Variants in ERC2 observed in about 807,000 individuals in gnomAD.
The protein encoded by ERC2 is ERC protein 2.
A neutral mutation model predicts 114.8 loss-of-function variants in ERC2; 42 were observed. The observed-to-expected ratio is 0.37, with a 90% confidence interval of 0.29 to 0.47. The LOEUF (loss-of-function observed/expected upper bound fraction) is 0.47. Ranked by LOEUF, ERC2 falls within the 20% of genes least tolerant of loss-of-function variation. ERC2 has a pLI of 0.99. For missense variants in ERC2, 939 were observed against 1,150.7 expected, an observed-to-expected ratio of 0.82 and a Z score of 2.66; for synonymous variants, 454 against 425.5, an observed-to-expected ratio of 1.07 and a Z score of -0.82.
intron 17 of ERC2, among the ~76,000 whole-genome samples, chr3:55,524,186 G>A (rs1322751295): frequency 1.3e-5 from 2 of 152,092 alleles, no homozygotes; most frequent in East Asian, 1.9e-4. Flanking sequence ...CTCTATACTC[G>A]CCCATACAGC....
intron 4 of ERC2, among the ~76,000 whole-genome samples, chr3:56,151,215 C>T (rs894165074): frequency 8.5e-5 from 13 of 152,050 alleles, no homozygotes; most frequent in Admixed American, 4.6e-4. Context: ...TACCAGCCTG[C>T]GCCACCAAGT....
At chr3:55,655,428 G>C (rs2060815608) in intron 17 of ERC2, among the ~76,000 whole-genome samples, 1 of 152,194 alleles carries the variant, frequency 6.6e-6, no homozygotes, top group Non-Finnish European at 1.5e-5. Context: ...ACTTGGGCTG[G>C]TTGTTGGGCC....
chr3:56,435,700 T>C (rs765976790), intron 1 of ERC2, among the ~76,000 whole-genome samples: 1 of 152,206 alleles, frequency 6.6e-6, no homozygotes, highest in Non-Finnish European at 1.5e-5. Context: ...AGAATTCTTC[T>C]CAACACAACA....
At chr3:55,803,621 C>T (rs1167960481) in intron 14 of ERC2, among the ~76,000 whole-genome samples, 3 of 149,966 alleles carry the variant, frequency 2.0e-5, no homozygotes, top group African/African-American at 4.9e-5. Flanking sequence ...ATCAGTTTAA[C>T]TGCCAATATT....
At chr3:56,444,907 A>G (rs2062491868) in intron 1 of ERC2, among the ~76,000 whole-genome samples, 1 of 152,196 alleles carries the variant, frequency 6.6e-6, no homozygotes, top group South Asian at 2.1e-4. Flanking sequence ...ACTAATTCTA[A>G]AAACCTTTCT....
intron 14 of ERC2, among the ~76,000 whole-genome samples, chr3:55,735,209 T>C (rs1456981195): frequency 2.0e-5 from 3 of 152,162 alleles, no homozygotes; most frequent in African/African-American, 7.2e-5. Context: ...TATCCACCCA[T>C]CCAACCAAAC....
intron 2 of ERC2, among the ~76,000 whole-genome samples, chr3:56,341,702 A>G (rs1425239611): frequency 6.6e-6 from 1 of 152,160 alleles, no homozygotes; most frequent in African/African-American, 2.4e-5. Flanking sequence ...TAATCCTGTT[A>G]GCAATTCCTG....
At chr3:55,751,195 A>G (rs992322298) in intron 14 of ERC2, among the ~76,000 whole-genome samples, 1 of 152,198 alleles carries the variant, frequency 6.6e-6, no homozygotes, top group Non-Finnish European at 1.5e-5. Flanking sequence ...TGGCTGCCTT[A>G]TAAATGCCAT....
At chr3:55,650,699 G>T (rs1056415960) in intron 17 of ERC2, among the ~76,000 whole-genome samples, 1 of 152,138 alleles carries the variant, frequency 6.6e-6, no homozygotes, top group Non-Finnish European at 1.5e-5. Flanking sequence ...TTAAATGAAT[G>T]AAGAAATTCT....
At chr3:55,811,808 C>G (rs185698076) in intron 14 of ERC2, among the ~76,000 whole-genome samples, 20 of 152,302 alleles carry the variant, frequency 1.3e-4, no homozygotes, top group Admixed American at 7.8e-4. Context: ...AGGCATAATA[C>G]ATTTCTTCCT....
intron 3 of ERC2, among the ~76,000 whole-genome samples, chr3:56,228,075 T>C (rs2050369480): frequency 1.3e-5 from 2 of 152,082 alleles, no homozygotes; most frequent in Non-Finnish European, 2.9e-5. Context: ...AGAAGAGTGA[T>C]TACCTCGAGG....
chr3:56,392,203 A>C (rs1259519744), intron 2 of ERC2, among the ~76,000 whole-genome samples: 1 of 152,214 alleles, frequency 6.6e-6, no homozygotes, highest in African/African-American at 2.4e-5. Flanking sequence ...AAACATTTCT[A>C]TGTGTTTGTA....
At chr3:56,341,260 T>C (rs11708654) in intron 2 of ERC2, among the ~76,000 whole-genome samples, 47,417 of 152,006 alleles carry the variant, frequency 0.31, 7,544 homozygotes, top group Admixed American at 0.34. Flanking sequence ...GTGAACTGGT[T>C]GGGGCTGGAG....
intron 14 of ERC2, among the ~76,000 whole-genome samples, chr3:55,828,961 G>A (rs56050871): frequency 0.16 from 24,552 of 151,920 alleles, 2,745 homozygotes; most frequent in South Asian, 0.32. Flanking sequence ...AACATAGTGA[G>A]ATCCTGTCTC....
chr3:55,905,864 C>T (rs2064402026), intron 13 of ERC2, among the ~76,000 whole-genome samples: 1 of 152,144 alleles, frequency 6.6e-6, no homozygotes, highest in Non-Finnish European at 1.5e-5. Flanking sequence ...CACCACCTCC[C>T]AAAGGCCCTT....
intron 3 of ERC2, among the ~76,000 whole-genome samples, chr3:56,272,210 A>AC: frequency 6.6e-6 from 1 of 152,194 alleles, no homozygotes; most frequent in East Asian, 1.9e-4. Context: ...ATTCAAAGTA[A>AC]CCAACCTGGG....
intron 6 of ERC2, among the ~76,000 whole-genome samples, chr3:56,118,447 AG>A (rs1258638985): frequency 6.6e-6 from 1 of 152,174 alleles, no homozygotes; most frequent in Non-Finnish European, 1.5e-5. Context: ...CTATTACAGC[AG>A]GAATTTCCTA....
At chr3:56,114,096 G>A (rs2079105394) in intron 6 of ERC2, among the ~76,000 whole-genome samples, 1 of 152,180 alleles carries the variant, frequency 6.6e-6, no homozygotes, top group Non-Finnish European at 1.5e-5. Flanking sequence ...GGTTGGCTAA[G>A]TATACATATT....
At chr3:56,283,470 T>TA (rs943578475) in intron 3 of ERC2, among the ~76,000 whole-genome samples, 4 of 151,934 alleles carry the variant, frequency 2.6e-5, no homozygotes, top group African/African-American at 9.7e-5. Context: ...ATCTAAAAAA[T>TA]AAAAAAATAA....
Sources: gnomAD v4.1 joint callset for allele counts (sites outside exome capture counted in the v4.1 genomes callset) on GRCh38, gnomAD v4.1.1 for gene constraint, MANE v1.5 for transcripts, NCBI Gene and HGNC (gene_info 2026-07-23, HGNC 2026-07-21) for gene names.